Variants in CELF2 observed in about 807,000 individuals in gnomAD.
CELF2 encodes CUGBP Elav-like family member 2, also known as CUG triplet repeat RNA-binding protein 2.
Under a neutral mutation model 62.6 loss-of-function variants are expected in CELF2, and 8 were observed. The observed-to-expected ratio is 0.13, with a 90% CI of 0.07 to 0.23. The LOEUF is 0.23. CELF2 is among the 10% of genes least tolerant of loss of function. The probability of loss-of-function intolerance (pLI) is 1.00; values close to 1 mark genes in which losing one functional copy is unlikely to be tolerated. For synonymous variants in CELF2, 258 were observed against 250.0 expected (o/e 1.03, Z -0.30); for missense variants, 333 against 671.0 (o/e 0.50, Z 5.56).
chr10:10,628,349 AGAAG>A, the CELF2 span, among the ~76,000 whole-genome samples: 2 of 152,224 alleles, frequency 1.3e-5, no homozygotes, highest in Non-Finnish European at 2.9e-5. Flanking sequence ...AAAAGGAGAC[AGAAG>A]GAAGGGAGAG....
the CELF2 span, among the ~76,000 whole-genome samples, chr10:10,690,454 A>C: frequency 7.9e-4 from 120 of 152,322 alleles, 1 homozygote; most frequent in East Asian, 0.018. Flanking sequence ...TACACTGTAT[A>C]AAATACAGTG....
At chr10:10,571,813 G>A in the CELF2 span, among the ~76,000 whole-genome samples, 1 of 152,100 alleles carries the variant, frequency 6.6e-6, no homozygotes, top group Non-Finnish European at 1.5e-5. Flanking sequence ...TAGAAGTGAA[G>A]TATAGGCACG....
the CELF2 span, among the ~76,000 whole-genome samples, chr10:10,572,931 G>A: frequency 1.3e-5 from 2 of 152,100 alleles, no homozygotes; most frequent in Admixed American, 6.6e-5. Context: ...TTGAGGAATC[G>A]CCACACCATC....
rs76209150 is a variant in CELF2 at position 11,280,701 on chromosome 10, G to T, written c.841+5581G>T. On this transcript the variant is annotated intron_variant, in intron 8 of 12. Transcript: ENST00000633077. The surrounding 1 kb of genome is among the most constrained non-coding windows in gnomAD (Gnocchi z 7.6). Reference sequence around the variant, plus strand: ...GGATGTCCATGGGGCAGGATGGACAGAGGACACATGGGCCACGGCCTCTGC... The same window carrying T: ...GGATGTCCATGGGGCAGGATGGACATAGGACACATGGGCCACGGCCTCTGC... Among the ~76,000 whole-genome samples, 4,545 of 152,346 alleles carry T rather than the reference G, an allele frequency of 0.03. 107 individuals are homozygous for T. Among genetic ancestry groups the T allele is most frequent in the Non-Finnish European group, 0.048 (3,238 of 68,016 alleles).
chr10:10,888,181 A>T (rs2061887938), intron 1 of CELF2, among the ~76,000 whole-genome samples: 2 of 152,234 alleles, frequency 1.3e-5, no homozygotes, highest in African/African-American at 4.8e-5. Flanking sequence ...ACATTACTGA[A>T]TTTCTAAAGG....
intron 1 of CELF2, among the ~76,000 whole-genome samples, chr10:11,063,739 A>G (rs895340713): frequency 2.6e-5 from 4 of 152,170 alleles, no homozygotes; most frequent in African/African-American, 9.7e-5. Context: ...TTAAGAACTC[A>G]GTATTGTATT....
At chr10:10,977,743 G>C (rs758141802) in intron 2 of CELF2, among the ~76,000 whole-genome samples, 1 of 152,152 alleles carries the variant, frequency 6.6e-6, no homozygotes, top group Non-Finnish European at 1.5e-5. Flanking sequence ...TGCCTTTCTG[G>C]CAGTTCACTG....
At chr10:10,476,763 T>C in the CELF2 span, among the ~76,000 whole-genome samples, 1 of 152,152 alleles carries the variant, frequency 6.6e-6, no homozygotes, top group Non-Finnish European at 1.5e-5. Flanking sequence ...ATCATACCTT[T>C]TTTTATTTTT....
At chr10:10,546,189 A>T in the CELF2 span, among the ~76,000 whole-genome samples, 1 of 152,204 alleles carries the variant, frequency 6.6e-6, no homozygotes, top group Non-Finnish European at 1.5e-5. Flanking sequence ...TCTGCAATCA[A>T]CACTGAAACC....
chr10:10,505,334 A>G, the CELF2 span, among the ~76,000 whole-genome samples: 144 of 152,058 alleles, frequency 9.5e-4, no homozygotes, highest in African/African-American at 3.4e-3. Context: ...GGGTTGGGAT[A>G]TGCTTTCTGC....
chr10:10,556,042 T>C, the CELF2 span, among the ~76,000 whole-genome samples: 2 of 152,152 alleles, frequency 1.3e-5, no homozygotes, highest in Non-Finnish European at 2.9e-5. Context: ...AAAATTTTTT[T>C]TTATTATACT....
the CELF2 span, among the ~76,000 whole-genome samples, chr10:10,607,234 C>T: frequency 6.6e-6 from 1 of 152,082 alleles, no homozygotes. Flanking sequence ...CTCTTTGGTG[C>T]ACCTCATCAT....
chr10:10,793,607 C>A (rs369731758), upstream of CELF2, among the ~76,000 whole-genome samples: 9 of 152,142 alleles, frequency 5.9e-5, no homozygotes, highest in East Asian at 1.3e-3. Context: ...CTTAAAAATG[C>A]GTTCAACTAG....
intron 1 of CELF2, among the ~76,000 whole-genome samples, chr10:11,025,119 G>A (rs541734819): frequency 1.6e-4 from 24 of 151,888 alleles, no homozygotes; most frequent in African/African-American, 5.1e-4. Context: ...ACAATCAGTT[G>A]GTCTTTTAGG....
chr10:10,651,214 G>T, the CELF2 span, among the ~76,000 whole-genome samples: 2 of 123,494 alleles, frequency 1.6e-5, no homozygotes, highest in Non-Finnish European at 3.6e-5. Context: ...TGGCTCGGAG[G>T]GTCCTATGCC....
the CELF2 span, among the ~76,000 whole-genome samples, chr10:10,463,979 A>G: frequency 6.7e-6 from 1 of 149,430 alleles, no homozygotes; most frequent in African/African-American, 2.5e-5. Flanking sequence ...AAAAACTCCT[A>G]TGGATTTTGA....
chr10:10,730,942 T>C, the CELF2 span, among the ~76,000 whole-genome samples: 1 of 152,180 alleles, frequency 6.6e-6, no homozygotes, highest in South Asian at 2.1e-4. Context: ...GAGACAGAAA[T>C]AACCTATTGT....
rs1165312202 is a variant in CELF2, at chr10:11,275,135, A to T, written c.841+15A>T. ...ACAAATGGCAGGTAAGTCAGGAAGCACGCCTCTCCTTTTGACCGTGCTATT... is the reference window on the plus strand; with the variant it reads ...ACAAATGGCAGGTAAGTCAGGAAGCTCGCCTCTCCTTTTGACCGTGCTATT... On this transcript the variant is annotated intron_variant, in intron 8 of 12. Transcript: ENST00000633077. The T allele has an allele frequency of 1.1e-5, 17 of 1,613,816 alleles. No homozygotes were observed. The highest frequency in any genetic ancestry group is 6.7e-5 in the Admixed American group (4 of 60,006).
intron 1 of CELF2, among the ~76,000 whole-genome samples, chr10:11,141,564 G>A (rs973860319): frequency 1.3e-5 from 2 of 152,210 alleles, no homozygotes; most frequent in Non-Finnish European, 2.9e-5. Flanking sequence ...GAGCCAAGTG[G>A]AAAACACATT....
Sources: allele counts gnomAD v4.1 joint callset (sites outside exome capture counted in the v4.1 genomes callset), GRCh38; gene constraint gnomAD v4.1.1; non-coding constraint Gnocchi (gnomAD v3.1); transcripts MANE v1.5; gene names NCBI Gene and HGNC (gene_info 2026-07-23, HGNC 2026-07-21).